The following SIDT1 variants were observed in gnomAD, a reference collection of about 807,000 sequenced individuals.
SIDT1 encodes the protein SID1 transmembrane family, member 1.
Under a neutral mutation model 107.5 loss-of-function variants are expected in SIDT1, and 101 were observed. The observed-to-expected ratio is 0.94, with a 90% CI of 0.80 to 1.11. The LOEUF is 1.11. SIDT1 is among the 50% of genes least tolerant of loss of function. The pLI, the probability that SIDT1 is intolerant of heterozygous loss-of-function variation, is 0.00. For missense variants in SIDT1, 1,076 were observed against 1,058.2 expected (o/e 1.02, Z -0.23); for synonymous variants, 395 against 398.2 (o/e 0.99, Z 0.10).
chr3:113,592,749 A>G (rs964929719), intron 9 of SIDT1: 55 of 391,960 alleles, frequency 1.4e-4, no homozygotes, highest in Non-Finnish European at 2.3e-4. Context: ...CATCACGCCC[A>G]GCTAATTTTT....
In SIDT1 at chr3:113,567,425, G is replaced by A. The variant is rs1199141511; in HGVS notation, c.345-115G>A. 12 of 790,062 alleles carry A rather than the reference G, an allele frequency of 1.5e-5. No individual in the cohort carries two copies. The East Asian group carries it at 2.3e-4, about 15-fold the overall frequency. The allele number at this position is 790,062 out of a possible 1,614,324, so 48.9% of individuals were successfully genotyped here. A position where few individuals can be genotyped will look rare whatever the true frequency, so the allele number is the denominator to read the frequency against. On this transcript the variant is annotated intron_variant, in intron 2 of 24. Transcript: ENST00000264852. The stretch of plus-strand genomic sequence containing the variant: ...TTCCAGTCTAAAATTCAAAACATAA[G>A]GACCTGAAAATGAATTTGGAGAGAA...
At chr3:113,534,093 A>C (rs979805872) in intron 1 of SIDT1, among the ~76,000 whole-genome samples, 6 of 152,096 alleles carry the variant, frequency 3.9e-5, no homozygotes, top group Non-Finnish European at 8.8e-5. Context: ...GAAAGAGAGA[A>C]AGAGAGACAG....
intron 20 of SIDT1, among the ~76,000 whole-genome samples, chr3:113,616,409 G>T (rs781711806): frequency 1.3e-5 from 2 of 152,138 alleles, no homozygotes; most frequent in African/African-American, 4.8e-5. Flanking sequence ...TATTAAAAAA[G>T]GAGAAAATAC....
Position 113,542,902 on chromosome 3 carries a change from T to TGTGTG in SIDT1, c.222+9659_222+9660insGTGTG, listed in dbSNP as rs1939083921. ...AGACTTTTAATTAGTTTTTGCTTGG[T>TGTGTG]TGTGTGTGTGTGTGTGTGTGTGTGT... is the stretch of plus-strand genomic sequence containing the variant. On this transcript the variant is annotated intron_variant, in intron 1 of 24. Transcript: ENST00000264852. 4.1e-5 allele frequency among the ~76,000 whole-genome samples: 6 copies of TGTGTG among 145,246 alleles called. No individual in the cohort carries two copies. In the East Asian group the frequency reaches 8.1e-4, roughly 20 times the overall value.
At chr3:113,578,480 AAAAG>A (rs1943090749) in intron 4 of SIDT1, among the ~76,000 whole-genome samples, 1 of 151,836 alleles carries the variant, frequency 6.6e-6, no homozygotes, top group South Asian at 2.1e-4. Flanking sequence ...AAAAAAAAAA[AAAAG>A]AAGAGGAATA....
chr3:113,609,459 A>G (rs184264761), intron 17 of SIDT1, among the ~76,000 whole-genome samples: 92 of 152,318 alleles, frequency 6.0e-4, no homozygotes, highest in Non-Finnish European at 9.8e-4. Flanking sequence ...CTATCTTTAG[A>G]CCAATCAGCC....
intron 1 of SIDT1, among the ~76,000 whole-genome samples, chr3:113,536,616 C>T (rs894764185): frequency 6.6e-6 from 1 of 152,228 alleles, no homozygotes; most frequent in Admixed American, 6.5e-5. Context: ...TCAGCCACTG[C>T]ATCTCCCATA....
chr3:113,635,476 C>T, the SIDT1 span, among the ~76,000 whole-genome samples: 1 of 152,248 alleles, frequency 6.6e-6, no homozygotes, highest in African/African-American at 2.4e-5. Flanking sequence ...AGTGGTCAAA[C>T]CATCTTTGTT....
At chr3:113,542,638 A>G (rs1012851019) in intron 1 of SIDT1, among the ~76,000 whole-genome samples, 2 of 152,120 alleles carry the variant, frequency 1.3e-5, no homozygotes, top group Admixed American at 6.6e-5. Context: ...AAGTGTTTAC[A>G]TTAGATTAGT....
chr3:113,607,181 C>T (rs529778515), intron 15 of SIDT1, 67 bp downstream of exon 15: 18 of 987,142 alleles, frequency 1.8e-5, no homozygotes, highest in Middle Eastern at 2.2e-4. Context: ...GTTGTGATTT[C>T]GGTTTTTAAA....
intron 10 of SIDT1, among the ~76,000 whole-genome samples, chr3:113,599,283 T>C (rs992594882): frequency 1.3e-5 from 2 of 152,184 alleles, no homozygotes; most frequent in South Asian, 2.1e-4. Flanking sequence ...AGAAAGAAGA[T>C]GCAGGATGAC....
At chr3:113,624,164 G>T (rs2107840474) in intron 23 of SIDT1, among the ~76,000 whole-genome samples, 1 of 152,342 alleles carries the variant, frequency 6.6e-6, no homozygotes, top group East Asian at 1.9e-4. Context: ...ACAGGAAGAA[G>T]TCTTAGCATT....
downstream of SIDT1, among the ~76,000 whole-genome samples, chr3:113,631,422 A>T (rs1490519193): frequency 1.3e-5 from 2 of 152,246 alleles, no homozygotes. Flanking sequence ...AAGGAGAAGC[A>T]CTATCGGTAG....
intron 19 of SIDT1, among the ~76,000 whole-genome samples, chr3:113,612,950 A>G (rs936939678): frequency 6.6e-6 from 1 of 152,246 alleles, no homozygotes; most frequent in South Asian, 2.1e-4. Flanking sequence ...GCTTATGTGT[A>G]AGAACATCAA....
chr3:113,612,142 G>C lies in SIDT1; in HGVS notation c.1914G>C (p.Leu638=). 6.2e-7 allele frequency: 1 copy of C among 1,613,986 alleles called. No individual in the cohort carries two copies. Among genetic ancestry groups the C allele is most frequent in the Non-Finnish European group, 8.5e-7 (1 of 1,179,990 alleles). Residue 638 remains leucine (L), a synonymous_variant, in exon 19 of 25, where the codon CTG becomes CTC. Coordinates refer to ENST00000264852, the MANE Select transcript of SIDT1 (RefSeq NM_017699.3). ...TCATCTTCTCTGCAATCCACGTTCT[G>C]GCCTCGCTAGCCCTCAGCACCCAGA... ...FWVIFSAIHV[L]ASLALSTQIY...
chr3:113,568,724 A>G (rs1942167936), intron 3 of SIDT1, among the ~76,000 whole-genome samples: 1 of 152,230 alleles, frequency 6.6e-6, no homozygotes, highest in African/African-American at 2.4e-5. Context: ...CCTTTGATGT[A>G]TACCCAACTC....
intron 1 of SIDT1, among the ~76,000 whole-genome samples, chr3:113,538,019 G>C (rs752862750): frequency 6.6e-6 from 1 of 152,152 alleles, no homozygotes; most frequent in Non-Finnish European, 1.5e-5. Context: ...CTGGCCTCAC[G>C]TGATCCACCC....
Position 113,600,654 on chromosome 3 carries a change from A to G in SIDT1, c.1046-934A>G, listed in dbSNP as rs58984674. On this transcript the variant is annotated intron_variant, in intron 10 of 24. Transcript: ENST00000264852. ...CTATGGCCAATTCTGTTCTAAGTCA[A>G]AAAGAGTCAGGCAAATTGCACACAA... 9.4e-3 allele frequency among the ~76,000 whole-genome samples: 1,437 copies of G among 152,346 alleles called. 23 individuals carry two copies. The highest frequency in any genetic ancestry group is 0.033 in the African/African-American group (1,387 of 41,586).
intron 10 of SIDT1, among the ~76,000 whole-genome samples, chr3:113,594,317 A>G (rs1944389109): frequency 6.6e-6 from 1 of 152,188 alleles, no homozygotes; most frequent in African/African-American, 2.4e-5. Context: ...TCGTGGCTTT[A>G]AAGTGCTAAA....
Sources: allele counts gnomAD v4.1 joint callset (sites outside exome capture counted in the v4.1 genomes callset), GRCh38; gene constraint gnomAD v4.1.1; transcripts MANE v1.5; gene names NCBI Gene and HGNC (gene_info 2026-07-23, HGNC 2026-07-21).